The following MEX3A variants were observed in gnomAD, a reference collection of about 807,000 sequenced individuals.
MEX3A encodes the protein mex-3 RNA binding family member A, also known as RNA-binding protein MEX3A.
In MEX3A, 4 loss-of-function variants were observed where a neutral mutation model predicts 30.0. The ratio of observed to expected loss-of-function variants is 0.13; its 90% CI spans 0.07 to 0.30. The LOEUF is 0.30. Among genes scored for constraint, MEX3A ranks in the 10% least tolerant of loss-of-function variants. MEX3A has a pLI of 1.00. For synonymous variants in MEX3A, 335 were observed against 327.6 expected (o/e 1.02, Z -0.24); for missense variants, 555 against 736.7 (o/e 0.75, Z 2.86).
Position 156,081,768 on chromosome 1 carries a change from C to T in MEX3A, c.231G>A (p.Pro77=). ...GGAPAQPAAP[P]QPAPPPPPAA... is the part of the protein sequence containing the mutation. ...CGGGCGGCGGCGGCGGGGCCGGCTG[C>T]GGGGGGGCGGCCGGCTGCGCGGGGG... Residue 77 remains proline (P), a synonymous_variant, in exon 1 of 2, where the codon CCG becomes CCA. Coordinates refer to ENST00000532414, the MANE Select transcript of MEX3A (RefSeq NM_001093725.2). The T allele has an allele frequency of 1.3e-6, 1 of 792,746 alleles. No individual in the cohort carries two copies. Among genetic ancestry groups the T allele is most frequent in the Non-Finnish European group, 1.5e-6 (1 of 654,270 alleles). The allele number at this position is 792,746 out of a possible 1,614,324, so 49.1% of individuals were successfully genotyped here. A position where few individuals can be genotyped will look rare whatever the true frequency, so the allele number is the denominator to read the frequency against.
rs1048957799 is a variant in MEX3A at position 156,077,220 on chromosome 1, G to A, written c.917C>T (p.Ala306Val). The change falls in exon 2 of 2, where the codon GCG (alanine) becomes GTG (valine). Residue 306 changes from alanine to valine, a missense_variant. Physicochemically the swap from Ala to Val is moderately conservative, Grantham distance 64. Transcript: ENST00000532414. This position sits in a 1 kb window ranked among gnomAD's most constrained non-coding sequence, Gnocchi z 8.3. ...ATCGATTGCTGCGTCGGGGCTCCCC[G>A]CCAGGAAGTCGTTTTCATTGTTGTA... ...LEYNNENDFLAGSPDAAIDSR... is the reference protein window; with the variant it reads ...LEYNNENDFLVGSPDAAIDSR... The A allele has an allele frequency of 8.7e-6, 14 of 1,613,458 alleles. No individual in the cohort carries two copies. In the African/African-American group the frequency reaches 1.6e-4, roughly 18 times the overall value.
chr1:156,077,040 C>G lies in MEX3A; in HGVS notation c.1097G>C (p.Gly366Ala). The G allele has an allele frequency of 6.2e-7, 1 of 1,613,862 alleles. No individual in the cohort carries two copies. Among genetic ancestry groups the G allele is most frequent in the Non-Finnish European group, 8.5e-7 (1 of 1,179,838 alleles). The part of the protein sequence containing the change: ...LGEQGGDFGY[G>A]GYLFPGYGVG... Reference sequence around the variant, plus strand: ...GCCATAGCCCGGAAAGAGGTACCCGCCGTAGCCAAAGTCCCCGCCCTGCTC... The same window carrying G: ...GCCATAGCCCGGAAAGAGGTACCCGGCGTAGCCAAAGTCCCCGCCCTGCTC... Residue 366 changes from glycine (G) to alanine (A), a missense_variant, in exon 2 of 2, where the codon GGC becomes GCC. Gly to Ala is a moderately conservative substitution (Grantham distance 60). Around this residue, in one of 6 missense-constraint regions of MEX3A, gnomAD observed 281 missense variants for 265.1 expected, o/e 1.06. Coordinates refer to ENST00000532414, the MANE Select transcript of MEX3A (RefSeq NM_001093725.2). This position sits in a 1 kb window ranked among gnomAD's most constrained non-coding sequence, Gnocchi z 8.3.
intron 1 of MEX3A, among the ~76,000 whole-genome samples, chr1:156,078,417 C>CAA (rs1648131229): frequency 6.6e-6 from 1 of 152,084 alleles, no homozygotes; most frequent in East Asian, 1.9e-4. Context: ...GAACAGTGCC[C>CAA]AACCCCGTGT....
At position 156,077,041 on chromosome 1, in the gene MEX3A, C is replaced by G; in HGVS notation, c.1096G>C (p.Gly366Arg). ...LGEQGGDFGY[G>R]GYLFPGYGVG... ...CCATAGCCCGGAAAGAGGTACCCGCCGTAGCCAAAGTCCCCGCCCTGCTCA... is the reference window on the plus strand; with the variant it reads ...CCATAGCCCGGAAAGAGGTACCCGCGGTAGCCAAAGTCCCCGCCCTGCTCA... Residue 366 changes from glycine (G) to arginine (R), a missense_variant, in exon 2 of 2, where the codon GGC (glycine) becomes CGC (arginine). By Grantham distance (125) the Gly-to-Arg change is moderately radical. This residue lies in a region of MEX3A where 281 missense variants were observed against 265.1 expected (regional missense o/e 1.06). Transcript: ENST00000532414. This position sits in a 1 kb window ranked among gnomAD's most constrained non-coding sequence, Gnocchi z 8.3. 6.2e-7 allele frequency: 1 copy of G among 1,613,878 alleles called. No individual in the cohort carries two copies. The highest frequency in any genetic ancestry group is 1.3e-5 in the African/African-American group (1 of 75,066).
Position 156,076,712 on chromosome 1 carries a change from G to C in MEX3A, c.1425C>G (p.Ser475Arg). The C allele has an allele frequency of 6.2e-7, 1 of 1,613,366 alleles. No homozygotes were observed. Among genetic ancestry groups the C allele is most frequent in the African/African-American group, 1.3e-5 (1 of 75,056 alleles). ...AGGGCACAAGGGCGGCAGTCACTTC[G>C]CTCTCAAAGCAGACCATGCAATCCC... The part of the protein sequence containing the change: ...GGRDCMVCFE[S>R]EVTAALVPCG... The change falls in exon 2 of 2, where the codon AGC (serine) becomes AGG (arginine). Residue 475 changes from serine to arginine, a missense_variant. Around this residue, in one of 6 missense-constraint regions of MEX3A, gnomAD observed 281 missense variants for 265.1 expected, o/e 1.06. Transcript: ENST00000532414. The surrounding 1 kb of genome is among the most constrained non-coding windows in gnomAD (Gnocchi z 6.0).
Position 156,081,832 on chromosome 1 carries a change from G to A in MEX3A, c.167C>T (p.Pro56Leu). ...CLLGLGEPPA[P>L]TAGEDGGGGG... ...ACCTCCCCCGTCCTCGCCCGCCGTG[G>A]GGGCGGGGGGCTCCCCCAAACCCAG... The change falls in exon 1 of 2, where the codon CCC (proline) becomes CTC (leucine). Residue 56 changes from proline (P) to leucine (L), a missense_variant. This residue lies in a region of MEX3A where 159 missense variants were observed against 159.9 expected (regional missense o/e 0.99). Transcript: ENST00000532414. 7.2e-7 allele frequency: 1 copy of A among 1,395,682 alleles called. No individual in the cohort carries two copies. The highest frequency in any genetic ancestry group is 9.4e-7 in the Non-Finnish European group (1 of 1,065,496). 86.5% of individuals were successfully genotyped at this position (1,395,682 alleles called of 1,614,324 possible).
chr1:156,082,103 GTGGGGAGGGGGGAACAAAGAAC>G lies in MEX3A; in HGVS notation c.-127_-106del. On this transcript the variant is annotated 5_prime_UTR_variant, in exon 1 of 2. Transcript: ENST00000532414. ...GAGGGGAGAGGAGAGGAGGGGGTGT[GTGGGGAGGGGGGAACAAAGAAC>G]TGGGGAGGGGGGAAGAAAGCGAGAT... The G allele has an allele frequency of 4.0e-6, 1 of 249,376 alleles. No individual in the cohort carries two copies. Among genetic ancestry groups the G allele is most frequent in the African/African-American group, 2.5e-5 (1 of 39,654 alleles). The allele number at this position is 249,376 out of a possible 1,614,324, so 15.4% of individuals were successfully genotyped here.
Position 156,081,758 on chromosome 1 carries a change from G to C in MEX3A, c.241C>G (p.Pro81Ala). Reference protein sequence around the residue: ...AQPAAPPQPAPPPPPAAPPAA... With the variant: ...AQPAAPPQPAAPPPPAAPPAA... ...GGGGGCGCCGCGGGCGGCGGCGGCG[G>C]GGCCGGCTGCGGGGGGGCGGCCGGC... Residue 81 changes from proline to alanine, a missense_variant, in exon 1 of 2, where the codon CCG (proline) becomes GCG (alanine). By Grantham distance (27) the Pro-to-Ala change is conservative (BLOSUM62 -1). Coordinates refer to ENST00000532414, the MANE Select transcript of MEX3A (RefSeq NM_001093725.2). 1.2e-6 allele frequency: 1 copy of C among 836,716 alleles called. No individual in the cohort carries two copies. Among genetic ancestry groups the C allele is most frequent in the Non-Finnish European group, 1.4e-6 (1 of 695,836 alleles). 51.8% of individuals were successfully genotyped at this position (836,716 alleles called of 1,614,324 possible).
intron 1 of MEX3A, among the ~76,000 whole-genome samples, chr1:156,078,251 C>T (rs1648126615): frequency 1.3e-5 from 2 of 152,128 alleles, no homozygotes; most frequent in African/African-American, 2.4e-5. Context: ...GCTCTATGAC[C>T]GCCCCACATG....
rs1300994117 is a variant in MEX3A at position 156,074,261 on chromosome 1, T to TC, written c.*2312_*2313insG. 1.3e-5 allele frequency: 2 copies of TC among 152,322 alleles called. No homozygotes were observed. The highest frequency in any genetic ancestry group is 1.3e-4 in the Admixed American group (2 of 15,286). The allele number at this position is 152,322 out of a possible 1,614,324, so 9.4% of individuals were successfully genotyped here. ...TTTTTTTATTTTTTTAAGGATCACTTTATCATAAAATAAAATATCCTTTTC... is the reference window on the plus strand; with the variant it reads ...TTTTTTTATTTTTTTAAGGATCACTTCTATCATAAAATAAAATATCCTTTTC... On this transcript the variant is annotated 3_prime_UTR_variant, in exon 2 of 2. Coordinates refer to ENST00000532414, the MANE Select transcript of MEX3A (RefSeq NM_001093725.2).
In MEX3A at chr1:156,076,588, G is replaced by T. The variant is rs1648069483; in HGVS notation, c.1549C>A (p.Arg517=). 1.2e-6 allele frequency: 2 copies of T among 1,611,986 alleles called. No individual in the cohort carries two copies. The highest frequency in any genetic ancestry group is 1.7e-6 in the Non-Finnish European group (2 of 1,178,482). ...VCHITATQAI[R]IFS is the part of the protein sequence containing the mutation. The stretch of plus-strand genomic sequence containing the variant: ...GGGCACGGGGCTTAGGAGAATATTC[G>T]GATGGCTTGCGTGGCTGTGATGTGG... Residue 517 remains arginine, a synonymous_variant, in exon 2 of 2, where the codon CGA becomes AGA. Transcript: ENST00000532414. The surrounding 1 kb of genome is among the most constrained non-coding windows in gnomAD (Gnocchi z 6.0).
At chr1:156,078,235 C>CT (rs1158358605) in intron 1 of MEX3A, among the ~76,000 whole-genome samples, 1 of 152,160 alleles carries the variant, frequency 6.6e-6, no homozygotes, top group East Asian at 1.9e-4. Flanking sequence ...CCACTGAAGT[C>CT]TATCTGCTCT....
At position 156,081,873 on chromosome 1, in the gene MEX3A, G is replaced by A. The variant is rs759361158; in HGVS notation, c.126C>T (p.Leu42=). The change falls in exon 1 of 2, where the codon CTC becomes CTT. Residue 42 remains leucine (L), a synonymous_variant. Coordinates refer to ENST00000532414, the MANE Select transcript of MEX3A (RefSeq NM_001093725.2). ...LEDERALQLA[L]DQLCLLGLGE... The stretch of plus-strand genomic sequence containing the variant: ...CCAAACCCAGGAGGCAGAGTTGATC[G>A]AGAGCCAGCTGAAGGGCGCGCTCGT... 4 of 1,513,770 alleles carry A rather than the reference G, an allele frequency of 2.6e-6. No individual in the cohort carries two copies. Among genetic ancestry groups the A allele is most frequent in the Non-Finnish European group, 3.5e-6 (4 of 1,129,818 alleles). The allele number at this position is 1,513,770 out of a possible 1,614,324, so 93.8% of individuals were successfully genotyped here.
Position 156,081,582 on chromosome 1 carries a change from G to C in MEX3A, c.417C>G (p.Pro139=), listed in dbSNP as rs1648242583. The C allele has an allele frequency of 6.3e-7, 1 of 1,596,288 alleles. No homozygotes were observed. The highest frequency in any genetic ancestry group is 1.1e-5 in the South Asian group (1 of 88,390). ...CGATCTCGGCCACGTGCTCGGAGGTGGGCACGGGAACACACTCCGTGGTGT... is the reference window on the plus strand; with the variant it reads ...CGATCTCGGCCACGTGCTCGGAGGTCGGCACGGGAACACACTCCGTGGTGT... ...SSNTTECVPV[P]TSEHVAEIVG... The change falls in exon 1 of 2, where the codon CCC becomes CCG. Residue 139 remains proline, a synonymous_variant. Transcript: ENST00000532414.
In MEX3A at chr1:156,077,475, G is replaced by A; in HGVS notation, c.662C>T (p.Pro221Leu). The A allele has an allele frequency of 1.2e-6, 2 of 1,613,350 alleles. No individual in the cohort carries two copies. The highest frequency in any genetic ancestry group is 1.7e-6 in the Non-Finnish European group (2 of 1,179,648). Residue 221 changes from proline (P) to leucine (L), a missense_variant, in exon 2 of 2, where the codon CCC becomes CTC. Coordinates refer to ENST00000532414, the MANE Select transcript of MEX3A (RefSeq NM_001093725.2). The surrounding 1 kb of genome is among the most constrained non-coding windows in gnomAD (Gnocchi z 8.3). ...CCGCACACGGATGGTCACCTGGCCG[G>A]GCAGAGCAGGAGCCACACCAAAGGC... is the stretch of plus-strand genomic sequence containing the variant. ...GAAFGVAPAL[P>L]GQVTIRVRVP...
rs1320849887 is a variant in MEX3A, at chr1:156,081,837, G to T, written c.162C>A (p.Pro54=). ...QLCLLGLGEP[P]APTAGEDGGG... is the part of the protein sequence containing the mutation. ...CCCCGTCCTCGCCCGCCGTGGGGGC[G>T]GGGGGCTCCCCCAAACCCAGGAGGC... The change falls in exon 1 of 2, where the codon CCC becomes CCA. Residue 54 remains proline, a synonymous_variant. Transcript: ENST00000532414. 3 of 1,422,750 alleles carry T rather than the reference G, an allele frequency of 2.1e-6. No individual in the cohort carries two copies. Among genetic ancestry groups the T allele is most frequent in the Admixed American group, 5.2e-5 (2 of 38,382 alleles). The allele number at this position is 1,422,750 out of a possible 1,614,324, so 88.1% of individuals were successfully genotyped here.
intron 1 of MEX3A, among the ~76,000 whole-genome samples, chr1:156,081,304 T>C (rs1648225784): frequency 6.6e-6 from 1 of 152,176 alleles, no homozygotes; most frequent in African/African-American, 2.4e-5. Context: ...CCTCTTCCAG[T>C]GCGAGGATAT....
rs1307729925 is a variant in MEX3A at position 156,081,683 on chromosome 1, C to A, written c.316G>T (p.Ala106Ser). Residue 106 changes from alanine to serine, a missense_variant, in exon 1 of 2, where the codon GCC becomes TCC. Physicochemically the swap from Ala to Ser is moderately conservative, Grantham distance 99. Around this residue, in one of 6 missense-constraint regions of MEX3A, gnomAD observed 159 missense variants for 159.9 expected, o/e 0.99. Transcript: ENST00000532414. ...TTGGCGTCGCTCGCCCCTTTGGGGG[C>A]GGTGGGGGGCTGGGGCGTCTGCGCT... ...PAAQTPQPPTAPKGASDAKLC... is the reference protein window; with the variant it reads ...PAAQTPQPPTSPKGASDAKLC... 6.8e-7 allele frequency: 1 copy of A among 1,463,992 alleles called. No individual in the cohort carries two copies. The highest frequency in any genetic ancestry group is 9.1e-7 in the Non-Finnish European group (1 of 1,104,214). The allele number at this position is 1,463,992 out of a possible 1,614,324, so 90.7% of individuals were successfully genotyped here. A position where few individuals can be genotyped will look rare whatever the true frequency, so the allele number is the denominator to read the frequency against.
At chr1:156,080,614 T>A (rs562381411) in intron 1 of MEX3A, among the ~76,000 whole-genome samples, 3 of 151,860 alleles carry the variant, frequency 2.0e-5, no homozygotes, top group African/African-American at 7.3e-5. Flanking sequence ...TCTGCTCAAT[T>A]TGGACCTTCA....
Sources: gnomAD v4.1 joint callset for allele counts (sites outside exome capture counted in the v4.1 genomes callset) on GRCh38, gnomAD v4.1.1 for gene constraint, gnomAD v4.1.1 regional missense constraint, Gnocchi (gnomAD v3.1) non-coding constraint, MANE v1.5 for transcripts, NCBI Gene and HGNC (gene_info 2026-07-23, HGNC 2026-07-21) for gene names.